Variants in FAM107B observed in about 807,000 individuals in gnomAD.
The protein encoded by FAM107B is protein FAM107B.
In FAM107B, 21 loss-of-function variants were observed where a neutral mutation model predicts 31.5. The ratio of observed to expected loss-of-function variants is 0.67; its 90% CI spans 0.47 to 0.96. FAM107B has a LOEUF of 0.96. Ranked by LOEUF, FAM107B falls within the 40% of genes least tolerant of loss-of-function variation. The pLI, the probability that FAM107B is intolerant of heterozygous loss-of-function variation, is 0.00. For missense variants in FAM107B, 452 were observed against 377.1 expected (o/e 1.20, Z -1.64); for synonymous variants, 157 against 141.5 (o/e 1.11, Z -0.78).
chr10:14,567,447 GA>G (rs767246612), intron 2 of FAM107B, among the ~76,000 whole-genome samples: 1 of 152,104 alleles, frequency 6.6e-6, no homozygotes, highest in Non-Finnish European at 1.5e-5. Context: ...GAGGAGGTTG[GA>G]AAAGTCATTA....
intron 1 of FAM107B, among the ~76,000 whole-genome samples, chr10:14,746,072 G>T (rs539622485): frequency 2.2e-4 from 33 of 151,996 alleles, no homozygotes; most frequent in Non-Finnish European, 4.4e-4. Flanking sequence ...TGTCTTTTTT[G>T]ATCTTTGTTA....
In FAM107B at chr10:14,697,538, C is replaced by T. The variant is rs889268271; in HGVS notation, c.412-29847G>A. Among the ~76,000 whole-genome samples the T allele has an allele frequency of 4.6e-5, 7 of 152,144 alleles. No individual in the cohort carries two copies. In the East Asian group the frequency reaches 5.8e-4, roughly 13 times the overall value. ...CCAGAATCTGTTTTTCTTCCTCTTA[C>T]GATAGCCTTGAAGGAACAGAGATGA... is the stretch of plus-strand genomic sequence containing the variant. On this transcript the variant is annotated intron_variant, in intron 1 of 4. Transcript: ENST00000181796.
chr10:14,700,767 C>T (rs576020168), intron 1 of FAM107B, among the ~76,000 whole-genome samples: 97 of 136,016 alleles, frequency 7.1e-4, no homozygotes, highest in African/African-American at 2.5e-3. Flanking sequence ...TACTTGAAAT[C>T]ACACCAGCTC....
chr10:14,545,929 T>C (rs1057402885), intron 2 of FAM107B, among the ~76,000 whole-genome samples: 1 of 152,228 alleles, frequency 6.6e-6, no homozygotes, highest in Non-Finnish European at 1.5e-5. Flanking sequence ...TTCGGCCTAA[T>C]CATTCCTGAG....
intron 1 of FAM107B, among the ~76,000 whole-genome samples, chr10:14,691,728 A>AATTTT (rs1855139287): frequency 1.3e-5 from 2 of 151,842 alleles, no homozygotes; most frequent in African/African-American, 2.4e-5. Flanking sequence ...CCCCATCTCT[A>AATTTT]CTGAAAATAC....
intron 1 of FAM107B, among the ~76,000 whole-genome samples, chr10:14,720,822 CA>C (rs1855893112): frequency 6.6e-6 from 1 of 151,974 alleles, no homozygotes; most frequent in Admixed American, 6.6e-5. Flanking sequence ...CTAATAATTT[CA>C]AAGGAACATA....
intron 2 of FAM107B, among the ~76,000 whole-genome samples, chr10:14,660,984 C>G (rs577652506): frequency 6.6e-6 from 1 of 152,240 alleles, no homozygotes; most frequent in Admixed American, 6.5e-5. Flanking sequence ...TTCCCCTGTT[C>G]TTGTGATAGT....
At chr10:14,578,433 G>A (rs1218192207) in intron 2 of FAM107B, among the ~76,000 whole-genome samples, 12 of 152,148 alleles carry the variant, frequency 7.9e-5, no homozygotes, top group Non-Finnish European at 1.6e-4. Context: ...TCCCTATCAC[G>A]GAGGCACATT....
chr10:14,553,402 C>T (rs1164838434), intron 2 of FAM107B: 2 of 1,225,550 alleles, frequency 1.6e-6, no homozygotes, highest in African/African-American at 3.1e-5. Flanking sequence ...AAAAAAAAAA[C>T]ATAGTGAAAG....
At chr10:14,620,788 T>A (rs1852991522) in intron 2 of FAM107B, among the ~76,000 whole-genome samples, 1 of 152,240 alleles carries the variant, frequency 6.6e-6, no homozygotes, top group Middle Eastern at 3.2e-3. Flanking sequence ...CGCATTTAAC[T>A]GATGTCTTAA....
At chr10:14,745,866 G>A (rs1832717588) in intron 1 of FAM107B, among the ~76,000 whole-genome samples, 1 of 152,108 alleles carries the variant, frequency 6.6e-6, no homozygotes, top group Admixed American at 6.6e-5. Flanking sequence ...TTAATTTTCT[G>A]TCTCAATGAT....
intron 2 of FAM107B, among the ~76,000 whole-genome samples, chr10:14,570,729 GA>G (rs1295841099): frequency 0.011 from 1,607 of 152,012 alleles, 29 homozygotes; most frequent in African/African-American, 0.037. Flanking sequence ...TTGAACCTGG[GA>G]GGCAGAGGTT....
At chr10:14,760,100 T>C (rs1325519661) in intron 1 of FAM107B, among the ~76,000 whole-genome samples, 2 of 150,558 alleles carry the variant, frequency 1.3e-5, no homozygotes, top group Non-Finnish European at 2.9e-5. Context: ...ATAGAAACAA[T>C]TTAAGGCCAC....
intron 1 of FAM107B, among the ~76,000 whole-genome samples, chr10:14,752,281 ACTCAC>A (rs1832844687): frequency 6.6e-6 from 1 of 151,978 alleles, no homozygotes; most frequent in African/African-American, 2.4e-5. Context: ...TTTGCCCCTC[ACTCAC>A]CTCTTTGCAG....
chr10:14,732,002 T>C (rs1237822167), intron 1 of FAM107B, among the ~76,000 whole-genome samples: 1 of 152,354 alleles, frequency 6.6e-6, no homozygotes, highest in East Asian at 1.9e-4. Context: ...TGCTACTGTT[T>C]CTGAGATGAC....
At chr10:14,687,911 T>A (rs1437772004) in intron 1 of FAM107B, among the ~76,000 whole-genome samples, 3 of 152,268 alleles carry the variant, frequency 2.0e-5, no homozygotes, top group African/African-American at 7.2e-5. Flanking sequence ...ATGGTAATAC[T>A]GAGTATCAAC....
intron 2 of FAM107B, among the ~76,000 whole-genome samples, chr10:14,570,404 G>A (rs1202302121): frequency 6.6e-6 from 1 of 152,210 alleles, no homozygotes; most frequent in East Asian, 1.9e-4. Context: ...CAAGAGGAAG[G>A]AGAGCATTAA....
At chr10:14,749,589 C>T (rs1163123371) in intron 1 of FAM107B, among the ~76,000 whole-genome samples, 1 of 152,230 alleles carries the variant, frequency 6.6e-6, no homozygotes, top group East Asian at 1.9e-4. Flanking sequence ...AGAACCAAGT[C>T]ATGACCAAAG....
rs1201713575 is a variant in FAM107B, at chr10:14,774,765, A to C, written c.-102T>G. The C allele has an allele frequency of 1.5e-6, 2 of 1,314,928 alleles. No homozygotes were observed. Among genetic ancestry groups the C allele is most frequent in the Non-Finnish European group, 2.1e-6 (2 of 960,564 alleles). 81.5% of individuals were successfully genotyped at this position (1,314,928 alleles called of 1,614,324 possible). A position where few individuals can be genotyped will look rare whatever the true frequency, so the allele number is the denominator to read the frequency against. On this transcript the variant is annotated 5_prime_UTR_variant, in exon 1 of 5. Transcript: ENST00000181796. ...TATAGGAACTCTTTCCAATTGCCCG[A>C]AGAGAAGAACTTGCTAGTGGTTGCC... is the stretch of plus-strand genomic sequence containing the variant.
Sources: allele counts gnomAD v4.1 joint callset (sites outside exome capture counted in the v4.1 genomes callset), GRCh38; gene constraint gnomAD v4.1.1; transcripts MANE v1.5; gene names NCBI Gene and HGNC (gene_info 2026-07-23, HGNC 2026-07-21).